Variants in DNAJC17 observed in about 807,000 individuals in gnomAD.
The protein encoded by DNAJC17 is DnaJ heat shock protein family (Hsp40) member C17.
DNAJC17 carries 35 observed loss-of-function variants against 48.1 expected under a neutral mutation model. The observed-to-expected ratio is 0.73, with a 90% CI of 0.56 to 0.96. The LOEUF (loss-of-function observed/expected upper bound fraction) is 0.96, where lower values mean the gene tolerates loss of function less well. Ranked by LOEUF, DNAJC17 falls within the 50% of genes least tolerant of loss-of-function variation. DNAJC17 has a pLI of 0.00. For missense variants in DNAJC17, 355 were observed against 377.1 expected (o/e 0.94, Z 0.48); for synonymous variants, 117 against 142.7 (o/e 0.82, Z 1.28).
At chr15:40,782,872 G>A (rs1035386435) in intron 1 of DNAJC17, among the ~76,000 whole-genome samples, 3 of 152,100 alleles carry the variant, frequency 2.0e-5, no homozygotes, top group African/African-American at 7.2e-5. Context: ...TCTCCTGACT[G>A]CCTTGGAGGC....
At chr15:40,794,389 C>T (rs74677538) in intron 1 of DNAJC17, among the ~76,000 whole-genome samples, 4 of 150,418 alleles carry the variant, frequency 2.7e-5, no homozygotes, top group Non-Finnish European at 3.0e-5. Context: ...CTGTTACTTT[C>T]GGCTGGGCAC....
Position 40,774,408 on chromosome 15 carries a change from G to T in DNAJC17, c.629C>A (p.Ser210Tyr). 1.2e-6 allele frequency: 2 copies of T among 1,614,074 alleles called. No individual in the cohort carries two copies. Among genetic ancestry groups the T allele is most frequent in the South Asian group, 1.1e-5 (1 of 91,086 alleles). Residue 210 changes from serine (S) to tyrosine (Y), a missense_variant, in exon 9 of 11, where the codon TCC becomes TAC. By Grantham distance (144) the Ser-to-Tyr change is moderately radical. This residue lies in a region of DNAJC17 where 68 missense variants were observed against 109.5 expected (regional missense o/e 0.62). Coordinates refer to ENST00000220496, the MANE Select transcript of DNAJC17 (RefSeq NM_018163.3). ...CACAGCAGTGCCTGGCTTCTTACTG[G>T]AAAGCACCAGGTTGAGAACCTCACC... ...KYGEVLNLVL[S>Y]SKKPGTAVVE...
chr15:40,774,575 C>T, intron 8 of DNAJC17, 139 bp from the exon 9 acceptor site: 1 of 885,876 alleles, frequency 1.1e-6, no homozygotes, highest in South Asian at 1.6e-5. Context: ...ACCTACTTAT[C>T]TTAGTGAAGT....
At chr15:40,795,308 G>T (rs1242897384) in intron 1 of DNAJC17, among the ~76,000 whole-genome samples, 1 of 150,182 alleles carries the variant, frequency 6.7e-6, no homozygotes, top group Admixed American at 6.7e-5. Flanking sequence ...GGGAGGGAAG[G>T]AAGAAAAATA....
At chr15:40,795,723 C>T (rs541694631) in intron 1 of DNAJC17, among the ~76,000 whole-genome samples, 14 of 151,990 alleles carry the variant, frequency 9.2e-5, no homozygotes, top group Admixed American at 2.6e-4. Context: ...GGTGAAACCC[C>T]GTCTCTACTA....
At chr15:40,807,237 A>T in intron 1 of DNAJC17, 132 bp downstream of exon 1, 1 of 1,564,182 alleles carries the variant, frequency 6.4e-7, no homozygotes, top group Non-Finnish European at 8.7e-7. Flanking sequence ...TGCGGAGGGC[A>T]TAGCGCCGAC....
intron 1 of DNAJC17, among the ~76,000 whole-genome samples, chr15:40,795,476 C>T (rs2899000): frequency 0.28 from 42,922 of 152,060 alleles, 6,958 homozygotes; most frequent in South Asian, 0.4. Context: ...GAGTTTGACA[C>T]ACAATAGGCA....
chr15:40,771,941 GT>G (rs1596073778), intron 10 of DNAJC17: 1 of 167,052 alleles, frequency 6.0e-6, no homozygotes, highest in East Asian at 1.9e-4. Flanking sequence ...GCAATCCCTG[GT>G]GAAGGAAGGC....
intron 1 of DNAJC17, among the ~76,000 whole-genome samples, chr15:40,782,905 C>T (rs921575828): frequency 6.6e-6 from 1 of 152,136 alleles, no homozygotes; most frequent in Non-Finnish European, 1.5e-5. Context: ...CCAGGACAGG[C>T]GCTGGGCAGA....
chr15:40,776,567 C>T lies in DNAJC17; in HGVS notation c.356G>A (p.Arg119Gln), dbSNP rs765221994. 11 of 1,613,944 alleles carry T rather than the reference C, an allele frequency of 6.8e-6. No individual in the cohort carries two copies. The highest frequency in any genetic ancestry group is 1.1e-5 in the South Asian group (1 of 91,088). Residue 119 changes from arginine (R) to glutamine (Q), a missense_variant, in exon 5 of 11, where the codon CGG becomes CAG. This residue lies in a region of DNAJC17 where 199 missense variants were observed against 199.9 expected (regional missense o/e 1.00). Transcript: ENST00000220496. ...AQESEEEEESRSTRTLEQEIE... is the reference protein window; with the variant it reads ...AQESEEEEESQSTRTLEQEIE... ...CTCTTGCTCTAGTGTCCTGGTGCTC[C>T]GGCTCTCCTCTTCCTCCTCACTCTC...
At chr15:40,806,220 CTTTTTTTTTT>C (rs34520548) in intron 1 of DNAJC17, among the ~76,000 whole-genome samples, 1 of 122,888 alleles carries the variant, frequency 8.1e-6, no homozygotes, top group African/African-American at 3.1e-5. Flanking sequence ...TTTTTTTTTC[CTTTTTTTTTT>C]TTTTTTTTGA....
At chr15:40,796,123 ATTACTGCCC>A (rs1311098964) in intron 1 of DNAJC17, among the ~76,000 whole-genome samples, 1 of 152,240 alleles carries the variant, frequency 6.6e-6, no homozygotes, top group Non-Finnish European at 1.5e-5. Context: ...ATCATAAAAT[ATTACTGCCC>A]AAGAAAATAA....
Position 40,770,898 on chromosome 15 carries a change from C to T in DNAJC17, c.792+2829G>A, listed in dbSNP as rs1465115512. ...GGGCCTTGTGGACACTCCCTGCTTC[C>T]AGAGGACACCTACCCCAGACCTCAG... On this transcript the variant is annotated intron_variant, in intron 10 of 10. Coordinates refer to ENST00000220496, the MANE Select transcript of DNAJC17 (RefSeq NM_018163.3). The surrounding 1 kb of genome is among the most constrained non-coding windows in gnomAD (Gnocchi z 5.0). 1 of 1,551,556 alleles carries T rather than the reference C, an allele frequency of 6.4e-7. No individual in the cohort carries two copies.
chr15:40,779,745 A>C, intron 2 of DNAJC17, 142 bp from the exon 3 acceptor site: 2 of 1,111,268 alleles, frequency 1.8e-6, no homozygotes, highest in South Asian at 2.9e-5. Context: ...ACCAACAAGG[A>C]GGGGTGAGCA....
At chr15:40,791,009 T>G (rs917918149) in intron 1 of DNAJC17, among the ~76,000 whole-genome samples, 8 of 151,802 alleles carry the variant, frequency 5.3e-5, no homozygotes, top group Admixed American at 2.6e-4. Flanking sequence ...TATCTTCAAG[T>G]GAAACCAGGC....
chr15:40,785,156 C>T (rs1889608385), intron 1 of DNAJC17, among the ~76,000 whole-genome samples: 1 of 151,968 alleles, frequency 6.6e-6, no homozygotes, highest in Non-Finnish European at 1.5e-5. Flanking sequence ...GGGATATCCC[C>T]GAAAAAGCTT....
chr15:40,776,430 C>T, intron 5 of DNAJC17, 112 bp downstream of exon 5: 2 of 1,471,136 alleles, frequency 1.4e-6, no homozygotes, highest in Non-Finnish European at 1.9e-6. Context: ...ACCCAGCTCC[C>T]ACTGAAGGTG....
rs75856665 is a variant in DNAJC17, at chr15:40,779,853, G to A, written c.148+75C>T. The A allele has an allele frequency of 7.9e-4, 1,196 of 1,505,228 alleles. 9 individuals are homozygous for A. The African/African-American group carries it at 0.015, about 19-fold the overall frequency. The allele number at this position is 1,505,228 out of a possible 1,614,324, so 93.2% of individuals were successfully genotyped here. A position where few individuals can be genotyped will look rare whatever the true frequency, so the allele number is the denominator to read the frequency against. Reference sequence around the variant, plus strand: ...TGCTTACACCCCACAGCACTCACATGCAGAGCTTACATCGGGAAACACAAT... The same window carrying A: ...TGCTTACACCCCACAGCACTCACATACAGAGCTTACATCGGGAAACACAAT... On this transcript the variant is annotated intron_variant, in intron 2 of 10. Coordinates refer to ENST00000220496, the MANE Select transcript of DNAJC17 (RefSeq NM_018163.3).
rs531856821 is a variant in DNAJC17, at chr15:40,787,964, G to A, written c.79-7967C>T. ...AAAGCTTGGAGCCAGGTAAGTAAGT[G>A]GTACAAGTAAAGAGGCCGAGGCTGA... On this transcript the variant is annotated intron_variant, in intron 1 of 10. Transcript: ENST00000220496. Among the ~76,000 whole-genome samples, 5 of 152,300 alleles carry A rather than the reference G, an allele frequency of 3.3e-5. No individual in the cohort carries two copies. In the East Asian group the frequency reaches 5.8e-4, roughly 18 times the overall value.
Sources: allele counts gnomAD v4.1 joint callset (sites outside exome capture counted in the v4.1 genomes callset), GRCh38; gene constraint gnomAD v4.1.1; regional missense constraint gnomAD v4.1.1; non-coding constraint Gnocchi (gnomAD v3.1); transcripts MANE v1.5; gene names NCBI Gene and HGNC (gene_info 2026-07-23, HGNC 2026-07-21).